EDA2R: variants seen among roughly 807,000 people sequenced by gnomAD.
The protein encoded by EDA2R is tumor necrosis factor receptor superfamily member 27.
EDA2R carries 26 observed loss-of-function variants against 20.1 expected under a neutral mutation model. That is an observed-to-expected ratio of 1.30 (90% CI 0.95 to 1.80). The LOEUF (loss-of-function observed/expected upper bound fraction) is 1.80, where lower values mean the gene tolerates loss of function less well. Among genes scored for constraint, EDA2R ranks in the 40% most tolerant of loss-of-function variants. The probability of loss-of-function intolerance (pLI) is 0.00; values close to 1 mark genes in which losing one functional copy is unlikely to be tolerated. For synonymous variants in EDA2R, 114 were observed against 88.7 expected (o/e 1.29, Z -1.60); for missense variants, 277 against 228.7 (o/e 1.21, Z -1.36).
chrX:66,629,844 A>T lies in EDA2R; in HGVS notation c.-11+9151T>A, dbSNP rs185841797. 2.8e-3 allele frequency among the ~76,000 whole-genome samples: 310 copies of T among 111,404 alleles called. 1 individual carries two copies. The highest frequency in any genetic ancestry group is 9.3e-3 in the African/African-American group (286 of 30,661). ...TCACAGAATTACAAAAAAAAAATCT[A>T]AAATTCATGTGGAACCAAAAAAGAG... On this transcript the variant is annotated intron_variant, in intron 1 of 6. Coordinates refer to ENST00000374719, the MANE Select transcript of EDA2R (RefSeq NM_021783.5).
Position 66,599,623 on chromosome X carries a change from A to G in EDA2R, c.755T>C (p.Ile252Thr). ...TTGCAGGTCCAGCTCTGTGCATTCG[A>G]TGGGGCTGTGGACCCAGTGGGAGTG... ...ESHSHWVHSP[I>T]ECTELDLQKF... The change falls in exon 6 of 7, where the codon ATC becomes ACC. Residue 252 changes from isoleucine (I) to threonine (T), a missense_variant. Physicochemically the swap from Ile to Thr is moderately conservative, Grantham distance 89 (BLOSUM62 -1). Transcript: ENST00000374719. The G allele has an allele frequency of 8.3e-7, 1 of 1,205,418 alleles. No individual in the cohort carries two copies. The highest frequency in any genetic ancestry group is 1.1e-6 in the Non-Finnish European group (1 of 892,530).
intron 1 of EDA2R, among the ~76,000 whole-genome samples, chrX:66,630,297 C>G (rs1933605107): frequency 9.0e-6 from 1 of 111,223 alleles, no homozygotes. Flanking sequence ...ATTTCATGAC[C>G]AAGAACCCAA....
intron 1 of EDA2R, among the ~76,000 whole-genome samples, chrX:66,636,396 T>G (rs749742962): frequency 9.0e-6 from 1 of 110,597 alleles, no homozygotes; most frequent in African/African-American, 3.3e-5. Flanking sequence ...CTGTTTGACC[T>G]GGGAGCAGAA....
intron 1 of EDA2R, among the ~76,000 whole-genome samples, chrX:66,616,988 C>T (rs1215915578): frequency 1.8e-5 from 2 of 112,101 alleles, no homozygotes; most frequent in Non-Finnish European, 3.8e-5. Flanking sequence ...AGGTTGTCTT[C>T]TACAAAGAGG....
rs144582901 is a variant in EDA2R at position 66,629,020 on chromosome X, G to A, written c.-11+9975C>T. On this transcript the variant is annotated intron_variant, in intron 1 of 6. Transcript: ENST00000374719. ...ATCAAGTGGGTTTCATACCAGGGAC[G>A]CAGGGATGGTTTAACATACACAAGG... 4.4e-3 allele frequency among the ~76,000 whole-genome samples: 493 copies of A among 111,672 alleles called. 2 individuals carry two copies. Among genetic ancestry groups the A allele is most frequent in the African/African-American group, 0.015 (451 of 30,719 alleles).
At chrX:66,632,418 AAAG>A (rs1231235375) in intron 1 of EDA2R, among the ~76,000 whole-genome samples, 2 of 105,148 alleles carry the variant, frequency 1.9e-5, no homozygotes, top group Admixed American at 1.0e-4. Context: ...ATTCTCAAAC[AAAG>A]AAGAAGAAGA....
chrX:66,620,156 C>T (rs1168575993), intron 1 of EDA2R, among the ~76,000 whole-genome samples: 2 of 111,920 alleles, frequency 1.8e-5, no homozygotes. Flanking sequence ...TGATAGTTAT[C>T]CATTATGTTT....
chrX:66,616,354 G>A (rs1208541074), intron 1 of EDA2R, among the ~76,000 whole-genome samples: 5 of 112,386 alleles, frequency 4.4e-5, no homozygotes, highest in African/African-American at 1.6e-4. Context: ...GCTATACCAG[G>A]AGCTGAATTT....
At chrX:66,637,177 G>A (rs1024229989) in intron 1 of EDA2R, among the ~76,000 whole-genome samples, 4 of 111,892 alleles carry the variant, frequency 3.6e-5, no homozygotes, top group Admixed American at 2.8e-4. Context: ...AAGCCAACCC[G>A]AAAAGATTCT....
intron 1 of EDA2R, among the ~76,000 whole-genome samples, chrX:66,625,040 C>T (rs1312672417): frequency 9.0e-6 from 1 of 111,631 alleles, no homozygotes; most frequent in Non-Finnish European, 1.9e-5. Flanking sequence ...TGCTGGGTCC[C>T]CAAGCAGGCC....
At chrX:66,602,531 G>T in intron 5 of EDA2R, 102 bp downstream of exon 5, 3 of 916,260 alleles carry the variant, frequency 3.3e-6, no homozygotes, top group South Asian at 5.4e-5. Flanking sequence ...TTTCAAGCAT[G>T]GTAGAAAAGG....
chrX:66,613,546 T>C (rs1602244201), intron 2 of EDA2R, among the ~76,000 whole-genome samples: 1 of 111,875 alleles, frequency 8.9e-6, no homozygotes, highest in African/African-American at 3.2e-5. Flanking sequence ...TAATAGATCA[T>C]GAAAATATCT....
intron 2 of EDA2R, among the ~76,000 whole-genome samples, chrX:66,608,870 T>C (rs912579445): frequency 2.7e-5 from 3 of 111,706 alleles, no homozygotes; most frequent in Non-Finnish European, 5.6e-5. Context: ...TTGGGAGTTA[T>C]TGCTTAAGGC....
intron 1 of EDA2R, among the ~76,000 whole-genome samples, chrX:66,635,304 C>T (rs756448628): frequency 1.1e-4 from 12 of 112,316 alleles, no homozygotes; most frequent in Non-Finnish European, 2.3e-4. Flanking sequence ...ATCCTCATAT[C>T]TATGTTCACA....
chrX:66,610,249 G>A (rs1930477321), intron 2 of EDA2R, among the ~76,000 whole-genome samples: 1 of 93,514 alleles, frequency 1.1e-5, no homozygotes, highest in East Asian at 3.7e-4. Context: ...TTAGATAAAG[G>A]ATGTCTCTTA....
chrX:66,603,172 C>T (rs1373444863), intron 4 of EDA2R, among the ~76,000 whole-genome samples: 1 of 110,811 alleles, frequency 9.0e-6, no homozygotes, highest in African/African-American at 3.3e-5. Flanking sequence ...CACTTAAAGG[C>T]CTTTATGGAT....
intron 1 of EDA2R, among the ~76,000 whole-genome samples, chrX:66,632,262 A>G (rs1261521247): frequency 9.0e-6 from 1 of 111,376 alleles, no homozygotes; most frequent in East Asian, 2.8e-4. Flanking sequence ...TGTATCTACT[A>G]AAAGTACAAA....
intron 1 of EDA2R, among the ~76,000 whole-genome samples, chrX:66,618,269 T>C (rs1411899458): frequency 8.9e-6 from 1 of 111,889 alleles, no homozygotes; most frequent in East Asian, 2.8e-4. Context: ...ATTGACTTTA[T>C]TAAAGAGAAC....
intron 1 of EDA2R, among the ~76,000 whole-genome samples, chrX:66,634,611 C>A (rs1459101644): frequency 9.0e-6 from 1 of 111,603 alleles, no homozygotes; most frequent in Non-Finnish European, 1.9e-5. Flanking sequence ...TAACCCCATT[C>A]CCTGATGATC....
Sources: allele counts gnomAD v4.1 joint callset (sites outside exome capture counted in the v4.1 genomes callset), GRCh38; gene constraint gnomAD v4.1.1; transcripts MANE v1.5; gene names NCBI Gene and HGNC (gene_info 2026-07-23, HGNC 2026-07-21).